Variants in MEGF6 observed in about 807,000 individuals in gnomAD.
MEGF6 encodes multiple epidermal growth factor-like domains protein 6.
Under a neutral mutation model 207.1 loss-of-function variants are expected in MEGF6, and 184 were observed. That is an observed-to-expected ratio of 0.89 (90% CI 0.79 to 1.00). The LOEUF (loss-of-function observed/expected upper bound fraction) is 1.00. MEGF6 is among the 50% of genes least tolerant of loss of function. The pLI is 0.00. For synonymous variants in MEGF6, 1,038 were observed against 910.0 expected, an observed-to-expected ratio of 1.14 and a Z score of -2.53; for missense variants, 2,282 against 2,202.9, an observed-to-expected ratio of 1.04 and a Z score of -0.72.
chr1:3,592,253 C>T (rs111893445), intron 3 of MEGF6, among the ~76,000 whole-genome samples: 2 of 152,234 alleles, frequency 1.3e-5, no homozygotes, highest in African/African-American at 4.8e-5. Context: ...GAAGGGCCTG[C>T]AGGCTTCCCT....
chr1:3,609,602 G>A (rs750299920), intron 1 of MEGF6, among the ~76,000 whole-genome samples: 2 of 152,280 alleles, frequency 1.3e-5, no homozygotes, highest in Non-Finnish European at 2.9e-5. Flanking sequence ...GTGAAGGACA[G>A]AGAAGGGAGA....
At chr1:3,586,181 TGA>T (rs1266607232) in intron 3 of MEGF6, among the ~76,000 whole-genome samples, 2 of 149,346 alleles carry the variant, frequency 1.3e-5, no homozygotes, top group African/African-American at 5.0e-5. Flanking sequence ...TGTGTGGGTG[TGA>T]GTGTGGACAC....
chr1:3,621,508 A>G, the MEGF6 span, among the ~76,000 whole-genome samples: 1 of 152,246 alleles, frequency 6.6e-6, no homozygotes, highest in Non-Finnish European at 1.5e-5. Context: ...CAAATTAATG[A>G]TTAATGATAT....
chr1:3,609,556 T>G (rs952546837), intron 1 of MEGF6, among the ~76,000 whole-genome samples: 8 of 152,312 alleles, frequency 5.3e-5, no homozygotes, highest in African/African-American at 1.7e-4. Flanking sequence ...CGCCACTTAC[T>G]GCAGCCAGGG....
intron 26 of MEGF6, 193 bp from the exon 27 acceptor site, chr1:3,497,554 G>T: frequency 1.3e-6 from 1 of 776,568 alleles, no homozygotes; most frequent in Non-Finnish European, 2.1e-6. Flanking sequence ...TGGCAAGGTG[G>T]CAGGGGCCTC....
At chr1:3,508,902 C>T (rs1328172921) in intron 12 of MEGF6, among the ~76,000 whole-genome samples, 173 bp downstream of exon 12, 7 of 152,192 alleles carry the variant, frequency 4.6e-5, no homozygotes, top group African/African-American at 7.2e-5. Flanking sequence ...TCAGCCCGCA[C>T]GAGCTGCGCA....
At chr1:3,547,465 T>C (rs1642750772) in intron 4 of MEGF6, among the ~76,000 whole-genome samples, 1 of 152,110 alleles carries the variant, frequency 6.6e-6, no homozygotes, top group African/African-American at 2.4e-5. Context: ...TCCCCAGAGA[T>C]CGGCTGCCGT....
chr1:3,538,077 G>A (rs1032026922), intron 4 of MEGF6, among the ~76,000 whole-genome samples: 13 of 152,172 alleles, frequency 8.5e-5, no homozygotes, highest in Non-Finnish European at 1.8e-4. Context: ...GCCTTCGTGG[G>A]CTCAAGGCTC....
chr1:3,524,325 G>A (rs958069446), intron 4 of MEGF6, 79 bp from the exon 5 acceptor site: 12 of 1,560,232 alleles, frequency 7.7e-6, no homozygotes, highest in Middle Eastern at 1.8e-4. Context: ...CAGGTGCCGG[G>A]GGCCCAGACC....
intron 11 of MEGF6, 100 bp from the exon 12 acceptor site, chr1:3,509,345 C>G (rs369556167): frequency 9.4e-7 from 1 of 1,068,832 alleles, no homozygotes; most frequent in African/African-American, 1.7e-5. Flanking sequence ...CCCCAGGGAA[C>G]CCCACCACCC....
At chr1:3,582,227 G>A (rs1014617313) in intron 3 of MEGF6, among the ~76,000 whole-genome samples, 14 of 152,296 alleles carry the variant, frequency 9.2e-5, no homozygotes, top group Admixed American at 9.2e-4. Flanking sequence ...AATGATTAAC[G>A]TCTGTCCCAG....
At chr1:3,576,925 CTCCACCCCTGCACACCTGGCCCTGCACAT>C (rs1643659694) in intron 4 of MEGF6, among the ~76,000 whole-genome samples, 1 of 145,796 alleles carries the variant, frequency 6.9e-6, no homozygotes. Context: ...GCCCTGCACA[CTCCACCCCTGCACACCTGGCCCTGCACAT>C]CCAGCTCTGC....
chr1:3,597,731 C>CG (rs1207216127), intron 2 of MEGF6, among the ~76,000 whole-genome samples: 1 of 152,158 alleles, frequency 6.6e-6, no homozygotes, highest in Non-Finnish European at 1.5e-5. Context: ...CTGTGACAGA[C>CG]GCCCCCTCAG....
upstream of MEGF6, chr1:3,611,572 C>T: frequency 4.0e-6 from 1 of 253,048 alleles, no homozygotes; most frequent in Non-Finnish European, 7.3e-6. Flanking sequence ...GGACCCCAGT[C>T]CCGACCCGCC....
intron 4 of MEGF6, among the ~76,000 whole-genome samples, chr1:3,550,433 G>A (rs1028599940): frequency 6.6e-6 from 1 of 152,236 alleles, no homozygotes; most frequent in Non-Finnish European, 1.5e-5. Flanking sequence ...GGAGGGTGAG[G>A]AAAATGTCTC....
Position 3,510,873 on chromosome 1 carries a change from A to G in MEGF6, c.1144T>C (p.Cys382Arg), listed in dbSNP as rs746732454. The change falls in exon 10 of 37, where the codon TGC becomes CGC. Residue 382 changes from cysteine (C) to arginine (R), a missense_variant. Transcript: ENST00000356575. ...DVDDCADSPCCQQVCTNNPGG... is the reference protein window; with the variant it reads ...DVDDCADSPCRQQVCTNNPGG... ...GGGTTGTTGGTGCACACCTGCTGGC[A>G]GCACGGGCTGTCTGCACAGTCGTCG... 1 of 1,609,394 alleles carries G rather than the reference A, an allele frequency of 6.2e-7. No homozygotes were observed.
intron 34 of MEGF6, 59 bp from the exon 35 acceptor site, chr1:3,492,826 A>G: frequency 6.3e-7 from 1 of 1,577,056 alleles, no homozygotes; most frequent in Non-Finnish European, 8.7e-7. Flanking sequence ...TCCCCGCGCC[A>G]AGGAGCCTGG....
At position 3,594,654 on chromosome 1, in the gene MEGF6, T is replaced by A. The variant is rs1252746903; in HGVS notation, c.376+684A>T. 1.3e-5 allele frequency among the ~76,000 whole-genome samples: 2 copies of A among 152,088 alleles called. No individual in the cohort carries two copies. The highest frequency in any genetic ancestry group is 2.9e-5 in the Non-Finnish European group (2 of 68,008). Reference sequence around the variant, plus strand: ...TTCACTGGCGGGGCTTCTGTCCCCATGCCTGAAACCCTTCCCAAACATCTC... The same window carrying A: ...TTCACTGGCGGGGCTTCTGTCCCCAAGCCTGAAACCCTTCCCAAACATCTC... On this transcript the variant is annotated intron_variant, in intron 3 of 36. Coordinates refer to ENST00000356575, the MANE Select transcript of MEGF6 (RefSeq NM_001409.4). The surrounding 1 kb of genome is among the most constrained non-coding windows in gnomAD (Gnocchi z 4.2).
chr1:3,570,189 G>T (rs1643458134), intron 4 of MEGF6, among the ~76,000 whole-genome samples: 1 of 152,256 alleles, frequency 6.6e-6, no homozygotes, highest in East Asian at 1.9e-4. Context: ...CTGTCACGCA[G>T]GGACTGAGGC....
Sources: gnomAD v4.1 joint callset for allele counts (sites outside exome capture counted in the v4.1 genomes callset) on GRCh38, gnomAD v4.1.1 for gene constraint, Gnocchi (gnomAD v3.1) non-coding constraint, MANE v1.5 for transcripts, NCBI Gene and HGNC (gene_info 2026-07-23, HGNC 2026-07-21) for gene names.